Variants in CFHR5 observed in about 807,000 individuals in gnomAD.
CFHR5 encodes the protein complement factor H related 5.
A neutral mutation model predicts 62.9 loss-of-function variants in CFHR5; 73 were observed. That is an observed-to-expected ratio of 1.16 (90% confidence interval 0.96 to 1.41). CFHR5 has a LOEUF of 1.41. Ranked by LOEUF, CFHR5 falls within the 40% of genes most tolerant of loss-of-function variation. CFHR5 has a pLI of 0.00. For missense variants in CFHR5, 779 were observed against 679.9 expected, an observed-to-expected ratio of 1.15 and a Z score of -1.62; for synonymous variants, 249 against 227.2, an observed-to-expected ratio of 1.10 and a Z score of -0.86.
At chr1:196,995,928 C>G in intron 5 of CFHR5, 29 bp downstream of exon 5, 2 of 1,596,428 alleles carry the variant, frequency 1.3e-6, no homozygotes, top group Non-Finnish European at 8.6e-7. Flanking sequence ...TTAAACAGGA[C>G]AGTTACTATT....
intron 7 of CFHR5, 63 bp from the exon 8 acceptor site, chr1:197,002,419 C>T: frequency 1.6e-6 from 2 of 1,223,402 alleles, no homozygotes; most frequent in Non-Finnish European, 2.4e-6. Flanking sequence ...TGAAACACTA[C>T]CCTATTGAGC....
At chr1:197,001,422 T>C (rs569730478) in intron 7 of CFHR5, among the ~76,000 whole-genome samples, 1 of 152,252 alleles carries the variant, frequency 6.6e-6, no homozygotes, top group South Asian at 2.1e-4. Context: ...ATTATTATAT[T>C]TTTTAATCTA....
intron 7 of CFHR5, among the ~76,000 whole-genome samples, chr1:197,000,245 G>T (rs1038705948): frequency 6.6e-6 from 1 of 152,018 alleles, no homozygotes; most frequent in Non-Finnish European, 1.5e-5. Context: ...AGGTAAGAAC[G>T]TTATTAGGTG....
At chr1:196,985,140 TG>T (rs1490928349) in intron 3 of CFHR5, among the ~76,000 whole-genome samples, 1 of 152,192 alleles carries the variant, frequency 6.6e-6, no homozygotes, top group Non-Finnish European at 1.5e-5. Flanking sequence ...ATAGAATCTG[TG>T]GTAGGTTTTT....
intron 7 of CFHR5, among the ~76,000 whole-genome samples, chr1:196,999,962 T>C (rs1178410562): frequency 6.6e-6 from 1 of 151,430 alleles, no homozygotes; most frequent in Non-Finnish European, 1.5e-5. Context: ...TAATCCAAGA[T>C]ATGAAACTAA....
At chr1:196,997,453 C>T (rs1248778851) in intron 6 of CFHR5, among the ~76,000 whole-genome samples, 2 of 152,130 alleles carry the variant, frequency 1.3e-5, no homozygotes, top group Non-Finnish European at 2.9e-5. Context: ...GTCTCATTAT[C>T]CCATCCTTTT....
chr1:197,008,088 G>C (rs1654339776), intron 9 of CFHR5, among the ~76,000 whole-genome samples: 2 of 149,928 alleles, frequency 1.3e-5, no homozygotes, highest in South Asian at 4.2e-4. Flanking sequence ...TTTTTCTACA[G>C]AAATCAAGGT....
intron 9 of CFHR5, among the ~76,000 whole-genome samples, chr1:197,007,029 G>T (rs1654307399): frequency 6.6e-6 from 1 of 151,770 alleles, no homozygotes; most frequent in Non-Finnish European, 1.5e-5. Context: ...TAGAGACAGG[G>T]TTTCACCCTG....
Position 196,986,374 on chromosome 1 carries a change from A to T in CFHR5, c.430+2237A>T, listed in dbSNP as rs928324741. 4.6e-5 allele frequency among the ~76,000 whole-genome samples: 7 copies of T among 150,930 alleles called. No individual in the cohort carries two copies. The East Asian group carries it at 5.8e-4, about 13-fold the overall frequency. ...GGCCAAGATCGATTATTTTCTTTTT[A>T]TATATATATATATACTTTAAGTTCT... is the stretch of plus-strand genomic sequence containing the variant. On this transcript the variant is annotated intron_variant, in intron 3 of 9. Coordinates refer to ENST00000256785, the MANE Select transcript of CFHR5 (RefSeq NM_030787.4).
chr1:197,002,626 G>A lies in CFHR5; in HGVS notation c.1292G>A (p.Cys431Tyr), dbSNP rs202020361. ...YLLPEAKEIV[C>Y]KDGRWQSLPR... ...CTTCCAGAAGCAAAAGAAATTGTAT[G>A]TAAAGATGGACGATGGCAATCATTA... Residue 431 changes from cysteine to tyrosine, a missense_variant, in exon 8 of 10, where the codon TGT becomes TAT. Coordinates refer to ENST00000256785, the MANE Select transcript of CFHR5 (RefSeq NM_030787.4). 6.2e-7 allele frequency: 1 copy of A among 1,613,604 alleles called. No individual in the cohort carries two copies. The highest frequency in any genetic ancestry group is 2.2e-5 in the East Asian group (1 of 44,816).
chr1:196,996,473 AATAGTT>A (rs1183239232), intron 6 of CFHR5, among the ~76,000 whole-genome samples: 3 of 152,162 alleles, frequency 2.0e-5, no homozygotes, highest in African/African-American at 7.2e-5. Context: ...TATATGCTTG[AATAGTT>A]ATACTTTCTA....
rs575601631 is a variant in CFHR5 at position 197,009,502 on chromosome 1, T to C, written c.*819T>C. 2.6e-5 allele frequency: 4 copies of C among 152,200 alleles called. No homozygotes were observed. The highest frequency in any genetic ancestry group is 5.9e-5 in the Non-Finnish European group (4 of 68,038). 9.4% of individuals were successfully genotyped at this position (152,200 alleles called of 1,614,324 possible). A position where few individuals can be genotyped will look rare whatever the true frequency, so the allele number is the denominator to read the frequency against. On this transcript the variant is annotated 3_prime_UTR_variant, in exon 10 of 10. Coordinates refer to ENST00000256785, the MANE Select transcript of CFHR5 (RefSeq NM_030787.4). ...AACGTTATTTAAAAGGAAATGTAGA[T>C]GTTATTTTAGTCTCTATCTTCATGT...
chr1:196,993,450 C>A (rs1489413882), intron 3 of CFHR5, among the ~76,000 whole-genome samples: 1 of 152,004 alleles, frequency 6.6e-6, no homozygotes, highest in Non-Finnish European at 1.5e-5. Flanking sequence ...GCCCACCACC[C>A]CATGCCTGGC....
chr1:196,986,246 A>G (rs888037661), intron 3 of CFHR5, among the ~76,000 whole-genome samples: 1 of 152,170 alleles, frequency 6.6e-6, no homozygotes, highest in South Asian at 2.1e-4. Flanking sequence ...ATGGTAATCC[A>G]TGTTGCAGGG....
At chr1:196,990,743 A>C (rs931727824) in intron 3 of CFHR5, among the ~76,000 whole-genome samples, 3 of 152,110 alleles carry the variant, frequency 2.0e-5, no homozygotes. Context: ...GAGATCCACT[A>C]TTAGTCTGAT....
chr1:196,976,799 CTTTTTTTTT>C (rs10588279), upstream of CFHR5, among the ~76,000 whole-genome samples: 1 of 98,142 alleles, frequency 1.0e-5, no homozygotes, highest in East Asian at 2.7e-4. Flanking sequence ...AAAAATTATT[CTTTTTTTTT>C]TTTTTTTTTT....
intron 6 of CFHR5, among the ~76,000 whole-genome samples, chr1:196,997,056 G>A (rs1165253436): frequency 6.6e-6 from 1 of 151,824 alleles, no homozygotes; most frequent in African/African-American, 2.4e-5. Context: ...CTCTAATTTT[G>A]AACTTTAAAG....
chr1:196,989,886 C>T (rs1034917328), intron 3 of CFHR5, among the ~76,000 whole-genome samples: 2 of 152,130 alleles, frequency 1.3e-5, no homozygotes, highest in African/African-American at 4.8e-5. Flanking sequence ...TCTATTAGGT[C>T]CGCTTGGTGC....
chr1:197,008,714 C>T lies in CFHR5; in HGVS notation c.*31C>T. ...GCATAATTTTCCTGAATATATTCTTCAAACATCCATCTATGCTAAAAGTAG... is the reference window on the plus strand; with the variant it reads ...GCATAATTTTCCTGAATATATTCTTTAAACATCCATCTATGCTAAAAGTAG... On this transcript the variant is annotated 3_prime_UTR_variant, in exon 10 of 10. Transcript: ENST00000256785. 1 of 1,547,784 alleles carries T rather than the reference C, an allele frequency of 6.5e-7. No homozygotes were observed. Among genetic ancestry groups the T allele is most frequent in the Non-Finnish European group, 8.9e-7 (1 of 1,120,012 alleles).
Sources: gnomAD v4.1 joint callset for allele counts (sites outside exome capture counted in the v4.1 genomes callset) on GRCh38, gnomAD v4.1.1 for gene constraint, MANE v1.5 for transcripts, NCBI Gene and HGNC (gene_info 2026-07-23, HGNC 2026-07-21) for gene names.